DCC: variants seen among roughly 807,000 people sequenced by gnomAD.
The protein encoded by DCC is DCC netrin 1 receptor.
Under a neutral mutation model 172.5 loss-of-function variants are expected in DCC, and 58 were observed. The ratio of observed to expected loss-of-function variants is 0.34; its 90% CI spans 0.27 to 0.42. DCC has a LOEUF of 0.42. Ranked by LOEUF, DCC falls within the 10% of genes least tolerant of loss-of-function variation. DCC has a pLI of 1.00. For missense variants in DCC, 1,740 were observed against 1,791.0 expected, an observed-to-expected ratio of 0.97 and a Z score of 0.51; for synonymous variants, 709 against 644.5, an observed-to-expected ratio of 1.10 and a Z score of -1.52.
intron 5 of DCC, among the ~76,000 whole-genome samples, chr18:53,049,700 A>G (rs1170448266): frequency 6.6e-6 from 1 of 152,056 alleles, no homozygotes; most frequent in Admixed American, 6.6e-5. Flanking sequence ...TGTAAATTTT[A>G]AAATAGTTTT....
At chr18:52,849,093 CTGTG>C (rs149378500) in intron 2 of DCC, among the ~76,000 whole-genome samples, 1 of 150,264 alleles carries the variant, frequency 6.7e-6, no homozygotes, top group Non-Finnish European at 1.5e-5. Context: ...TCAACCTACT[CTGTG>C]TGTGTGTGTG....
chr18:53,369,009 T>C (rs767885589), intron 15 of DCC, among the ~76,000 whole-genome samples: 4 of 152,024 alleles, frequency 2.6e-5, no homozygotes, highest in Non-Finnish European at 4.4e-5. Context: ...GCATTGAATC[T>C]GTAAAACACA....
In DCC at chr18:53,273,218, C is replaced by G. The variant is rs1229781317; in HGVS notation, c.1912-32360C>G. ...ACTCCCATGGAGCCTGAAGTATGTGCTCTTATGAATAATAATCTTATGATT... is the reference window on the plus strand; with the variant it reads ...ACTCCCATGGAGCCTGAAGTATGTGGTCTTATGAATAATAATCTTATGATT... On this transcript the variant is annotated intron_variant, in intron 12 of 28. Coordinates refer to ENST00000442544, the MANE Select transcript of DCC (RefSeq NM_005215.4). Among the ~76,000 whole-genome samples the G allele has an allele frequency of 5.3e-5, 8 of 152,134 alleles. No homozygotes were observed. In the South Asian group the frequency reaches 6.2e-4, roughly 12 times the overall value.
chr18:52,813,390 A>G (rs764999692), intron 2 of DCC, among the ~76,000 whole-genome samples: 5 of 152,176 alleles, frequency 3.3e-5, no homozygotes, highest in African/African-American at 9.7e-5. Context: ...GGGGAACAGT[A>G]CAGAATGGCA....
chr18:53,045,945 C>T (rs1173219436), intron 5 of DCC, among the ~76,000 whole-genome samples: 2 of 151,846 alleles, frequency 1.3e-5, no homozygotes, highest in African/African-American at 4.8e-5. Context: ...TTGTAGATGG[C>T]TCATGTGGTG....
intron 1 of DCC, among the ~76,000 whole-genome samples, chr18:52,702,454 T>C (rs1308440302): frequency 6.6e-6 from 1 of 152,210 alleles, no homozygotes; most frequent in Non-Finnish European, 1.5e-5. Flanking sequence ...TGAGTATGGT[T>C]CTTATACAAC....
intron 5 of DCC, among the ~76,000 whole-genome samples, chr18:52,946,675 C>T (rs1354697223): frequency 1.3e-5 from 2 of 152,188 alleles, no homozygotes; most frequent in Non-Finnish European, 2.9e-5. Flanking sequence ...CACATTTCAG[C>T]TCTTCTTACA....
rs574947069 is a variant in DCC at position 52,576,158 on chromosome 18, C to T, written c.92-175896C>T. 1.1e-4 allele frequency among the ~76,000 whole-genome samples: 17 copies of T among 152,170 alleles called. No homozygotes were observed. In the South Asian group the frequency reaches 2.7e-3, roughly 24 times the overall value. The stretch of plus-strand genomic sequence containing the variant: ...ATTTTGAGGAAAAGAGAAAAGATAC[C>T]GGAAAAAGAAATCAAGTTTCCTTTG... On this transcript the variant is annotated intron_variant, in intron 1 of 28. Transcript: ENST00000442544.
chr18:53,254,723 C>T (rs963794005), intron 12 of DCC, among the ~76,000 whole-genome samples: 7 of 151,974 alleles, frequency 4.6e-5, no homozygotes, highest in Non-Finnish European at 8.8e-5. Flanking sequence ...TGTCCCCTTT[C>T]GTTCAGAATT....
chr18:52,605,138 A>G (rs1389999463), intron 1 of DCC, among the ~76,000 whole-genome samples: 1 of 152,142 alleles, frequency 6.6e-6, no homozygotes, highest in African/African-American at 2.4e-5. Flanking sequence ...ATGGATAAAG[A>G]TAATTAAATG....
intron 5 of DCC, among the ~76,000 whole-genome samples, chr18:52,948,383 T>G (rs1266955812): frequency 6.6e-6 from 1 of 152,138 alleles, no homozygotes; most frequent in Non-Finnish European, 1.5e-5. Context: ...GCTTCTATCA[T>G]TATGAATGAT....
chr18:52,897,466 A>G (rs2039747875), intron 2 of DCC, among the ~76,000 whole-genome samples: 1 of 152,262 alleles, frequency 6.6e-6, no homozygotes, highest in African/African-American at 2.4e-5. Context: ...TTAGAGTCAC[A>G]TAGAACCTCA....
At chr18:53,110,376 G>A (rs888729071) in intron 7 of DCC, among the ~76,000 whole-genome samples, 1 of 151,594 alleles carries the variant, frequency 6.6e-6, no homozygotes, top group Non-Finnish European at 1.5e-5. Context: ...AAGTAGATTG[G>A]AGGTTAAGCA....
At chr18:53,133,488 A>G (rs1261188314) in intron 7 of DCC, among the ~76,000 whole-genome samples, 1 of 152,178 alleles carries the variant, frequency 6.6e-6, no homozygotes, top group Non-Finnish European at 1.5e-5. Flanking sequence ...GCCCTGAGAT[A>G]CTTTCCTAGA....
At chr18:53,001,878 C>A (rs2041569733) in intron 5 of DCC, among the ~76,000 whole-genome samples, 1 of 152,010 alleles carries the variant, frequency 6.6e-6, no homozygotes, top group Admixed American at 6.6e-5. Context: ...GTTTAATCAA[C>A]CTCCATTGTA....
intron 27 of DCC, among the ~76,000 whole-genome samples, chr18:53,510,097 A>C (rs2144525089): frequency 6.6e-6 from 1 of 152,338 alleles, no homozygotes; most frequent in East Asian, 1.9e-4. Flanking sequence ...TTTCTCCAAA[A>C]GATGAGCTCC....
intron 25 of DCC, chr18:53,480,789 G>T (rs189392343): frequency 3.3e-5 from 5 of 152,240 alleles, no homozygotes; most frequent in Admixed American, 2.6e-4. Context: ...GCTCTTCAAC[G>T]TGTAGCTATT....
intron 1 of DCC, among the ~76,000 whole-genome samples, chr18:52,428,971 C>T (rs548094005): frequency 2.0e-5 from 3 of 152,070 alleles, no homozygotes; most frequent in South Asian, 4.1e-4. Context: ...AAAATATGCA[C>T]GTGGATGAAT....
intron 2 of DCC, among the ~76,000 whole-genome samples, chr18:52,846,226 T>C (rs1448726924): frequency 6.6e-6 from 1 of 152,014 alleles, no homozygotes; most frequent in Non-Finnish European, 1.5e-5. Context: ...AAGAGTTTAA[T>C]GAAGAAGTTC....
Sources: gnomAD v4.1 joint callset for allele counts (sites outside exome capture counted in the v4.1 genomes callset) on GRCh38, gnomAD v4.1.1 for gene constraint, MANE v1.5 for transcripts, NCBI Gene and HGNC (gene_info 2026-07-23, HGNC 2026-07-21) for gene names.